GARRE1: variants seen among roughly 807,000 people sequenced by gnomAD.
The protein encoded by GARRE1 is granule associated Rac and RHOG effector 1, also known as granule associated Rac and RHOG effector protein 1.
Under a neutral mutation model 103.2 loss-of-function variants are expected in GARRE1, and 49 were observed. The ratio of observed to expected loss-of-function variants is 0.47; its 90% CI spans 0.38 to 0.60. GARRE1 has a LOEUF of 0.60. GARRE1 is among the 20% of genes least tolerant of loss of function. GARRE1 has a pLI of 0.00. For missense variants in GARRE1, 1,199 were observed against 1,370.5 expected, an observed-to-expected ratio of 0.87 and a Z score of 1.98; for synonymous variants, 505 against 532.8, an observed-to-expected ratio of 0.95 and a Z score of 0.72.
At position 34,300,543 on chromosome 19, in the gene GARRE1, C is replaced by T; in HGVS notation, c.70C>T (p.Gln24Ter). Residue 24 changes from glutamine to a stop codon, truncating the protein, a stop_gained, in exon 2 of 14, where the codon CAG (glutamine) becomes TAG (stop). Coordinates refer to ENST00000299505, the MANE Select transcript of GARRE1 (RefSeq NM_014686.5). LOFTEE classifies it high-confidence loss of function. Reference protein sequence around the residue: ...KRRFLLGGSKQKVQQHQQYPM... With the variant: ...KRRFLLGGSK Reference sequence around the variant, plus strand: ...GCGCTTCCTGCTTGGCGGGTCCAAGCAGAAGGTGCAGCAGCACCAGCAATA... The same window carrying T: ...GCGCTTCCTGCTTGGCGGGTCCAAGTAGAAGGTGCAGCAGCACCAGCAATA... 6.2e-7 allele frequency: 1 copy of T among 1,613,430 alleles called. No homozygotes were observed. The highest frequency in any genetic ancestry group is 8.5e-7 in the Non-Finnish European group (1 of 1,179,938).
At chr19:34,299,484 T>G (rs1394467251) in intron 1 of GARRE1, among the ~76,000 whole-genome samples, 195 bp from the exon 2 acceptor site, 1 of 152,242 alleles carries the variant, frequency 6.6e-6, no homozygotes, top group African/African-American at 2.4e-5. Context: ...GCATTGTTTT[T>G]GTATTACTAC....
At chr19:34,260,210 C>T (rs2073707835) in intron 1 of GARRE1, among the ~76,000 whole-genome samples, 1 of 152,208 alleles carries the variant, frequency 6.6e-6, no homozygotes, top group Non-Finnish European at 1.5e-5. Flanking sequence ...AAAAGTTTAC[C>T]ACTTGCTGAA....
At chr19:34,342,587 A>T in intron 10 of GARRE1, 132 bp downstream of exon 10, 1 of 801,972 alleles carries the variant, frequency 1.2e-6, no homozygotes, top group Non-Finnish European at 2.0e-6. Flanking sequence ...ACCCTTTCTC[A>T]CTGTGGAGGC....
chr19:34,304,719 C>T (rs1426787895), intron 2 of GARRE1, among the ~76,000 whole-genome samples: 22 of 151,770 alleles, frequency 1.4e-4, no homozygotes, highest in Non-Finnish European at 5.9e-5. Flanking sequence ...ATATTTTATA[C>T]CCAGGGATAC....
At chr19:34,262,287 CTTTTTT>C (rs1018456778) in intron 1 of GARRE1, among the ~76,000 whole-genome samples, 64 of 35,760 alleles carry the variant, frequency 1.8e-3, no homozygotes, top group Non-Finnish European at 3.1e-3. Flanking sequence ...CCAGCTGCTG[CTTTTTT>C]TTTTTTTTTT....
chr19:34,261,538 G>A (rs1309431612), intron 1 of GARRE1, among the ~76,000 whole-genome samples: 1 of 152,160 alleles, frequency 6.6e-6, no homozygotes, highest in Non-Finnish European at 1.5e-5. Context: ...CTCATCCAGG[G>A]AATCCAGCCT....
chr19:34,316,341 T>C (rs1488073925), intron 2 of GARRE1, among the ~76,000 whole-genome samples: 1 of 152,200 alleles, frequency 6.6e-6, no homozygotes, highest in Non-Finnish European at 1.5e-5. Flanking sequence ...GCTTCCCCCA[T>C]GTGTTCTGCA....
At position 34,353,349 on chromosome 19, in the gene GARRE1, CA is replaced by C. The variant is rs2074250988; in HGVS notation, c.*395del. 4 of 223,230 alleles carry C rather than the reference CA, an allele frequency of 1.8e-5. No individual in the cohort carries two copies. In the South Asian group the frequency reaches 6.8e-4, roughly 38 times the overall value. The allele number at this position is 223,230 out of a possible 1,614,324, so 13.8% of individuals were successfully genotyped here. ...CCTGAAAGCTGAGGGCATAACTGAC[CA>C]TTTTTTGGAAACCCTCTCCTCCCTC... is the stretch of plus-strand genomic sequence containing the variant. On this transcript the variant is annotated 3_prime_UTR_variant, in exon 14 of 14. Transcript: ENST00000299505.
At chr19:34,341,309 C>A (rs1190554032) in intron 9 of GARRE1, 113 bp from the exon 10 acceptor site, 7 of 852,872 alleles carry the variant, frequency 8.2e-6, no homozygotes, top group Non-Finnish European at 1.1e-5. Context: ...GAACCCGATA[C>A]CAACCTGAGA....
chr19:34,302,761 A>G (rs1053874699), intron 2 of GARRE1, among the ~76,000 whole-genome samples: 1 of 128,424 alleles, frequency 7.8e-6, no homozygotes, highest in African/African-American at 3.1e-5. Flanking sequence ...TTTTTTTTTT[A>G]AAAGACAGAG....
intron 2 of GARRE1, among the ~76,000 whole-genome samples, chr19:34,307,710 T>C (rs2074015428): frequency 1.6e-5 from 1 of 63,774 alleles, no homozygotes; most frequent in South Asian, 4.6e-4. Flanking sequence ...TATATACTTA[T>C]ATATATACTA....
At position 34,327,784 on chromosome 19, in the gene GARRE1, C is replaced by G. The variant is rs779351639; in HGVS notation, c.860C>G (p.Ala287Gly). Residue 287 changes from alanine (A) to glycine (G), a missense_variant, in exon 5 of 14, where the codon GCT becomes GGT. Physicochemically the swap from Ala to Gly is moderately conservative, Grantham distance 60. Coordinates refer to ENST00000299505, the MANE Select transcript of GARRE1 (RefSeq NM_014686.5). Reference sequence around the variant, plus strand: ...ATTTATTTCCAGGCATATAAGATAGCTCTGGAAAGCTTAGGACACTGTGAA... The same window carrying G: ...ATTTATTTCCAGGCATATAAGATAGGTCTGGAAAGCTTAGGACACTGTGAA... Reference protein sequence around the residue: ...IDSALQAYKIALESLGHCEYA... With the variant: ...IDSALQAYKIGLESLGHCEYA... 2.5e-6 allele frequency: 4 copies of G among 1,613,204 alleles called. No individual in the cohort carries two copies. The South Asian group carries it at 4.4e-5, about 18-fold the overall frequency.
At chr19:34,283,854 CGG>C (rs2073869918) in intron 1 of GARRE1, among the ~76,000 whole-genome samples, 2 of 129,090 alleles carry the variant, frequency 1.5e-5, no homozygotes, top group Admixed American at 1.8e-4. Flanking sequence ...TTTTTTGAGA[CGG>C]AGTCTCACTC....
chr19:34,320,304 C>CT (rs1255231154), intron 3 of GARRE1, among the ~76,000 whole-genome samples, 188 bp downstream of exon 3: 1 of 152,258 alleles, frequency 6.6e-6, no homozygotes, highest in African/African-American at 2.4e-5. Context: ...AGGCATGTGC[C>CT]AGGCACTAGG....
chr19:34,342,645 G>T (rs572177558), intron 10 of GARRE1, among the ~76,000 whole-genome samples, 190 bp downstream of exon 10: 18 of 152,282 alleles, frequency 1.2e-4, no homozygotes, highest in Non-Finnish European at 1.9e-4. Context: ...TGAGAAAGGG[G>T]CTGAGAACAT....
intron 1 of GARRE1, among the ~76,000 whole-genome samples, chr19:34,284,109 G>A (rs2073871746): frequency 6.9e-6 from 1 of 144,676 alleles, no homozygotes; most frequent in Non-Finnish European, 1.5e-5. Context: ...GAAGTGCTGG[G>A]ATTACAGGCC....
chr19:34,332,248 A>G (rs988143498), intron 7 of GARRE1, among the ~76,000 whole-genome samples: 1 of 152,082 alleles, frequency 6.6e-6, no homozygotes, highest in African/African-American at 2.4e-5. Context: ...TCTTTTCCTC[A>G]GTATAGGGAC....
chr19:34,255,631 A>G (rs2073667078), intron 1 of GARRE1, among the ~76,000 whole-genome samples: 1 of 151,738 alleles, frequency 6.6e-6, no homozygotes, highest in Non-Finnish European at 1.5e-5. Flanking sequence ...CCAATTTGTC[A>G]CAAGATAAAC....
At chr19:34,282,253 G>T (rs866938634) in intron 1 of GARRE1, among the ~76,000 whole-genome samples, 1 of 104,800 alleles carries the variant, frequency 9.5e-6, no homozygotes, top group Admixed American at 1.1e-4. Flanking sequence ...CTGGGTTCAA[G>T]CAATTCTCCT....
Sources: allele counts gnomAD v4.1 joint callset (sites outside exome capture counted in the v4.1 genomes callset), GRCh38; gene constraint gnomAD v4.1.1; transcripts MANE v1.5; gene names NCBI Gene and HGNC (gene_info 2026-07-23, HGNC 2026-07-21).